Variants in SLC2A11 observed in about 807,000 individuals in gnomAD.
SLC2A11 encodes solute carrier family 2, facilitated glucose transporter member 11.
In SLC2A11, 43 loss-of-function variants were observed where a neutral mutation model predicts 52.1. The observed-to-expected ratio is 0.82, with a 90% CI of 0.65 to 1.06. The LOEUF (loss-of-function observed/expected upper bound fraction) is 1.06. SLC2A11 is among the 50% of genes least tolerant of loss of function. The pLI, the probability that SLC2A11 is intolerant of heterozygous loss-of-function variation, is 0.00. For synonymous variants in SLC2A11, 261 were observed against 277.6 expected, an observed-to-expected ratio of 0.94 and a Z score of 0.59; for missense variants, 582 against 654.2, an observed-to-expected ratio of 0.89 and a Z score of 1.20.
At chr22:23,857,044 G>A (rs1485924378), upstream of SLC2A11, 6 of 1,466,792 alleles carry the variant, frequency 4.1e-6, no homozygotes, top group South Asian at 1.2e-5. Flanking sequence ...GGGAAAGGTC[G>A]GGGATACCTG....
chr22:23,884,021 C>T lies in SLC2A11; in HGVS notation c.1168C>T (p.Pro390Ser), dbSNP rs772202326. Residue 390 changes from proline (P) to serine (S), a missense_variant, in exon 10 of 12, where the codon CCT becomes TCT. Coordinates refer to ENST00000316185, the MANE Select transcript of SLC2A11 (RefSeq NM_001024939.4). The surrounding 1 kb of genome is among the most constrained non-coding windows in gnomAD (Gnocchi z 4.3). The part of the protein sequence containing the change: ...FAFILSFGIG[P>S]AGVTGILATE... Reference sequence around the variant, plus strand: ...CTTCATCCTCAGCTTTGGCATTGGCCCTGGTGAGTGGGCCCAAGGGGCTCT... The same window carrying T: ...CTTCATCCTCAGCTTTGGCATTGGCTCTGGTGAGTGGGCCCAAGGGGCTCT... 2.5e-6 allele frequency: 4 copies of T among 1,612,552 alleles called. No individual in the cohort carries two copies. In the South Asian group the frequency reaches 3.3e-5, roughly 13 times the overall value.
intron 3 of SLC2A11, chr22:23,870,062 A>G (rs1291053880): frequency 2.8e-6 from 2 of 716,242 alleles, no homozygotes; most frequent in Non-Finnish European, 5.2e-6. Flanking sequence ...GAATTTTGGA[A>G]GAGACACAAA....
rs1262563728 is a variant in SLC2A11 at position 23,877,156 on chromosome 22, A to ATCGGCTCTGG, written c.530_531insTCGGCTCTGG (p.Gln177HisfsTer41). On this transcript the variant is annotated frameshift_variant, in exon 5 of 12. Coordinates refer to ENST00000316185, the MANE Select transcript of SLC2A11 (RefSeq NM_001024939.4). LOFTEE classifies it high-confidence loss of function. The stretch of plus-strand genomic sequence containing the variant: ...ACGGCTCTGGGGATCGTGATGGGAC[A>ATCGGCTCTGG]GGTGGTCGGACTCAGGTAAGCACCC... 6.2e-7 allele frequency: 1 copy of ATCGGCTCTGG among 1,611,758 alleles called. No individual in the cohort carries two copies. The highest frequency in any genetic ancestry group is 1.7e-5 in the Admixed American group (1 of 59,778).
In SLC2A11 at chr22:23,857,923, C is replaced by G; in HGVS notation, c.-77C>G. ...CGCTGCCCTTCCCTCCGCGCACAGG[C>G]TGCCGGCTCACCGCTTGCTAATGGC... is the stretch of plus-strand genomic sequence containing the variant. On this transcript the variant is annotated 5_prime_UTR_variant, in exon 1 of 12. Coordinates refer to ENST00000316185, the MANE Select transcript of SLC2A11 (RefSeq NM_001024939.4). The G allele has an allele frequency of 1.9e-6, 3 of 1,588,070 alleles. No homozygotes were observed. The highest frequency in any genetic ancestry group is 1.1e-5 in the South Asian group (1 of 87,070).
chr22:23,877,926 A>G, intron 6 of SLC2A11, 57 bp downstream of exon 6: 1 of 1,540,610 alleles, frequency 6.5e-7, no homozygotes, highest in African/African-American at 1.4e-5. Context: ...GCATCTCCCC[A>G]GAGTATACGG....
Position 23,884,440 on chromosome 22 carries a change from C to A in SLC2A11, c.1299+11C>A. The A allele has an allele frequency of 1.2e-6, 2 of 1,611,498 alleles. No individual in the cohort carries two copies. The highest frequency in any genetic ancestry group is 1.7e-6 in the Non-Finnish European group (2 of 1,178,554). ...TTTCCCTTTATCATGGTAGGCCCGC[C>A]CCTCCCGCTGGGGGCCCTGCCTTAG... On this transcript the variant is annotated intron_variant, in intron 11 of 11. Coordinates refer to ENST00000316185, the MANE Select transcript of SLC2A11 (RefSeq NM_001024939.4). This position sits in a 1 kb window ranked among gnomAD's most constrained non-coding sequence, Gnocchi z 4.3.
intron 2 of SLC2A11, among the ~76,000 whole-genome samples, chr22:23,864,693 G>A (rs12628690): frequency 0.29 from 44,362 of 152,104 alleles, 6,814 homozygotes; most frequent in Non-Finnish European, 0.33. Flanking sequence ...ATCCCAGGCC[G>A]GGCAGGGCAC....
intron 1 of SLC2A11, among the ~76,000 whole-genome samples, chr22:23,861,323 C>A (rs955738181): frequency 9.4e-4 from 9 of 9,548 alleles, no homozygotes; most frequent in African/African-American, 2.7e-3. Context: ...AAAGAAAATC[C>A]CAACTATCCC....
intron 1 of SLC2A11, among the ~76,000 whole-genome samples, chr22:23,861,166 G>A (rs900338345): frequency 6.6e-6 from 1 of 150,460 alleles, no homozygotes; most frequent in African/African-American, 2.5e-5. Flanking sequence ...TTTTAGTAGA[G>A]ATGGGGTTTC....
At chr22:23,875,004 A>T in intron 3 of SLC2A11, 113 bp from the exon 4 acceptor site, 1 of 1,254,138 alleles carries the variant, frequency 8.0e-7, no homozygotes, top group Non-Finnish European at 1.0e-6. Flanking sequence ...TACTACATAC[A>T]TTTGTGTGTG....
At chr22:23,867,570 T>G in intron 2 of SLC2A11, 1 of 404,752 alleles carries the variant, frequency 2.5e-6, no homozygotes, top group Non-Finnish European at 5.1e-6. Context: ...CCTGCGCTTA[T>G]GGTAATGAGA....
In SLC2A11 at chr22:23,884,374, G is replaced by C; in HGVS notation, c.1244G>C (p.Gly415Ala). The C allele has an allele frequency of 6.2e-7, 1 of 1,614,014 alleles. No individual in the cohort carries two copies. The highest frequency in any genetic ancestry group is 8.5e-7 in the Non-Finnish European group (1 of 1,180,006). The change falls in exon 11 of 12, where the codon GGG becomes GCG. Residue 415 changes from glycine to alanine, a missense_variant. Transcript: ENST00000316185. The surrounding 1 kb of genome is among the most constrained non-coding windows in gnomAD (Gnocchi z 4.3). The part of the protein sequence containing the change: ...MARPAACMVC[G>A]ALMWIMLILV... The stretch of plus-strand genomic sequence containing the variant: ...AGGCCTGCTGCCTGCATGGTCTGCG[G>C]GGCGCTCATGTGGATCATGCTCATC...
intron 1 of SLC2A11, among the ~76,000 whole-genome samples, chr22:23,860,577 T>C (rs183692389): frequency 2.6e-5 from 4 of 151,294 alleles, no homozygotes; most frequent in Admixed American, 2.0e-4. Flanking sequence ...CTACTAAAAA[T>C]ACAAAAATTA....
chr22:23,884,426 C>T lies in SLC2A11; in HGVS notation c.1296C>T (p.Ile432=). 6.2e-7 allele frequency: 1 copy of T among 1,613,164 alleles called. No individual in the cohort carries two copies. Among genetic ancestry groups the T allele is most frequent in the South Asian group, 1.1e-5 (1 of 91,008 alleles). ...LILVGLGFPF[I]MEALSHFLYV... The stretch of plus-strand genomic sequence containing the variant: ...TGGTCGGCCTGGGATTTCCCTTTAT[C>T]ATGGTAGGCCCGCCCCTCCCGCTGG... Residue 432 remains isoleucine, a synonymous_variant, in exon 11 of 12, where the codon ATC becomes ATT. Coordinates refer to ENST00000316185, the MANE Select transcript of SLC2A11 (RefSeq NM_001024939.4). This position sits in a 1 kb window ranked among gnomAD's most constrained non-coding sequence, Gnocchi z 4.3.
rs748431503 is a variant in SLC2A11, at chr22:23,877,160, G to A, written c.534G>A (p.Val178=). Residue 178 remains valine, a synonymous_variant, in exon 5 of 12, where the codon GTG becomes GTA. Coordinates refer to ENST00000316185, the MANE Select transcript of SLC2A11 (RefSeq NM_001024939.4). The part of the protein sequence containing the change: ...FTALGIVMGQ[V]VGLRELLGGP... ...CTCTGGGGATCGTGATGGGACAGGT[G>A]GTCGGACTCAGGTAAGCACCCCTCC... 3 of 1,611,148 alleles carry A rather than the reference G, an allele frequency of 1.9e-6. No individual in the cohort carries two copies. Among genetic ancestry groups the A allele is most frequent in the Non-Finnish European group, 2.5e-6 (3 of 1,178,612 alleles).
chr22:23,878,241 G>A (rs1208624698), intron 6 of SLC2A11, among the ~76,000 whole-genome samples: 2 of 151,614 alleles, frequency 1.3e-5, no homozygotes, highest in Non-Finnish European at 2.9e-5. Context: ...AGGAACAATC[G>A]CAACATTTCT....
chr22:23,860,115 G>A (rs908254157), intron 1 of SLC2A11, among the ~76,000 whole-genome samples: 1 of 152,148 alleles, frequency 6.6e-6, no homozygotes, highest in African/African-American at 2.4e-5. Flanking sequence ...GTGTCATTTT[G>A]TAATTAAAAA....
intron 1 of SLC2A11, 191 bp downstream of exon 1, chr22:23,858,220 C>T: frequency 1.1e-6 from 1 of 930,786 alleles, no homozygotes. Context: ...CGCCCAGGGT[C>T]GGCCTGTGGG....
At chr22:23,869,617 T>G (rs2032385948) in intron 3 of SLC2A11, 2 of 195,648 alleles carry the variant, frequency 1.0e-5, no homozygotes, top group South Asian at 2.1e-4. Context: ...GCCACTGTAC[T>G]CCAGCCTGGA....
Sources: gnomAD v4.1 joint callset for allele counts (sites outside exome capture counted in the v4.1 genomes callset) on GRCh38, gnomAD v4.1.1 for gene constraint, Gnocchi (gnomAD v3.1) non-coding constraint, MANE v1.5 for transcripts, NCBI Gene and HGNC (gene_info 2026-07-23, HGNC 2026-07-21) for gene names.